DCC: variants seen among roughly 807,000 people sequenced by gnomAD.
DCC encodes netrin receptor DCC.
Under a neutral mutation model 172.5 loss-of-function variants are expected in DCC, and 58 were observed. The ratio of observed to expected loss-of-function variants is 0.34; its 90% CI spans 0.27 to 0.42. DCC has a LOEUF of 0.42. Ranked by LOEUF, DCC falls within the 10% of genes least tolerant of loss-of-function variation. DCC has a pLI of 1.00. For synonymous variants in DCC, 709 were observed against 644.5 expected, an observed-to-expected ratio of 1.10 and a Z score of -1.52; for missense variants, 1,740 against 1,791.0, an observed-to-expected ratio of 0.97 and a Z score of 0.51.
At chr18:53,148,285 G>A (rs1269530445) in intron 7 of DCC, among the ~76,000 whole-genome samples, 3 of 152,186 alleles carry the variant, frequency 2.0e-5, no homozygotes, top group Non-Finnish European at 4.4e-5. Context: ...GCACCATATG[G>A]CTGGGATGAG....
chr18:52,538,216 G>A (rs1219550374), intron 1 of DCC, among the ~76,000 whole-genome samples: 1 of 152,068 alleles, frequency 6.6e-6, no homozygotes, highest in East Asian at 1.9e-4. Flanking sequence ...ACAACTTGGG[G>A]CTCTGAAATT....
intron 24 of DCC, among the ~76,000 whole-genome samples, chr18:53,466,122 G>T (rs539579680): frequency 6.6e-6 from 1 of 152,088 alleles, no homozygotes; most frequent in South Asian, 2.1e-4. Flanking sequence ...TGTTTTTAGA[G>T]ATGGGGTCTC....
intron 12 of DCC, among the ~76,000 whole-genome samples, chr18:53,290,856 G>A (rs2056995009): frequency 1.3e-5 from 2 of 152,084 alleles, no homozygotes; most frequent in Admixed American, 1.3e-4. Flanking sequence ...AATTTTAAAA[G>A]TTCTGGTTTA....
intron 7 of DCC, among the ~76,000 whole-genome samples, chr18:53,095,131 C>G (rs2043067203): frequency 6.6e-6 from 1 of 152,204 alleles, no homozygotes; most frequent in Non-Finnish European, 1.5e-5. Flanking sequence ...TTTAGTACCT[C>G]TGATTAGAAT....
chr18:53,515,784 T>C (rs1000876106), intron 27 of DCC, among the ~76,000 whole-genome samples: 1 of 151,814 alleles, frequency 6.6e-6, no homozygotes, highest in African/African-American at 2.4e-5. Flanking sequence ...AAATCACTGC[T>C]CAAGGAAATA....
At chr18:52,924,271 A>G (rs959547965) in intron 4 of DCC, among the ~76,000 whole-genome samples, 4 of 152,272 alleles carry the variant, frequency 2.6e-5, no homozygotes, top group African/African-American at 9.6e-5. Flanking sequence ...ATCATTTCAC[A>G]ATGTATACAT....
intron 1 of DCC, among the ~76,000 whole-genome samples, chr18:52,550,182 G>GA (rs1032445900): frequency 1.3e-5 from 2 of 151,602 alleles, no homozygotes; most frequent in Non-Finnish European, 2.9e-5. Flanking sequence ...AAAAATAACA[G>GA]AAAAAAACCC....
intron 1 of DCC, among the ~76,000 whole-genome samples, chr18:52,692,076 A>G (rs1485310476): frequency 2.6e-5 from 4 of 152,132 alleles, no homozygotes; most frequent in Admixed American, 2.6e-4. Flanking sequence ...ACTGTTAGTG[A>G]TGTGAGCTTG....
At chr18:52,582,915 C>T (rs906387887) in intron 1 of DCC, among the ~76,000 whole-genome samples, 1 of 152,086 alleles carries the variant, frequency 6.6e-6, no homozygotes, top group Non-Finnish European at 1.5e-5. Context: ...CATGGTGGAA[C>T]ACATGAGCTA....
chr18:52,710,561 G>A (rs2036277494), intron 1 of DCC, among the ~76,000 whole-genome samples: 2 of 152,290 alleles, frequency 1.3e-5, no homozygotes, highest in Middle Eastern at 3.4e-3. Context: ...AAACATGAGG[G>A]GAAGACACCA....
At chr18:53,449,965 A>C (rs1008431873) in intron 22 of DCC, among the ~76,000 whole-genome samples, 5 of 152,042 alleles carry the variant, frequency 3.3e-5, no homozygotes, top group African/African-American at 1.2e-4. Context: ...AGATTTGCCT[A>C]TTCTGGATAT....
chr18:52,390,347 T>A (rs1985983467), intron 1 of DCC, among the ~76,000 whole-genome samples: 1 of 152,060 alleles, frequency 6.6e-6, no homozygotes, highest in Admixed American at 6.6e-5. Flanking sequence ...CTTCTGTCAA[T>A]CGTCTGGTGA....
chr18:53,526,851 C>CCCCAGGCCA, intron 28 of DCC, 92 bp downstream of exon 28: 2 of 992,162 alleles, frequency 2.0e-6, no homozygotes, highest in East Asian at 2.4e-5. Context: ...TGTCCATTCA[C>CCCCAGGCCA]CCCAGGCCAC....
intron 7 of DCC, among the ~76,000 whole-genome samples, chr18:53,090,911 T>C: frequency 6.6e-6 from 1 of 151,824 alleles, no homozygotes; most frequent in Non-Finnish European, 1.5e-5. Flanking sequence ...TTTTATACCC[T>C]TGTTCTATAG....
At chr18:52,574,634 T>C (rs1218532472) in intron 1 of DCC, among the ~76,000 whole-genome samples, 1 of 152,222 alleles carries the variant, frequency 6.6e-6, no homozygotes. Flanking sequence ...ATTGCAATCA[T>C]AGATTTAATG....
chr18:53,446,166 G>A (rs975641648), intron 22 of DCC, among the ~76,000 whole-genome samples: 4 of 148,702 alleles, frequency 2.7e-5, no homozygotes, highest in African/African-American at 9.8e-5. Context: ...CACCTCTGTA[G>A]TCCTAGCTAC....
intron 12 of DCC, among the ~76,000 whole-genome samples, chr18:53,234,290 G>A (rs1821075): frequency 0.3 from 46,184 of 151,592 alleles, 8,639 homozygotes; most frequent in East Asian, 0.59. Flanking sequence ...TTAGCCGGGC[G>A]TGGTGTTGGT....
At chr18:53,477,347 G>A (rs2045778209) in intron 25 of DCC, among the ~76,000 whole-genome samples, 2 of 152,082 alleles carry the variant, frequency 1.3e-5, no homozygotes, top group Admixed American at 1.3e-4. Context: ...ATAGCCCTTT[G>A]CATCTGAGAT....
intron 2 of DCC, among the ~76,000 whole-genome samples, chr18:52,756,613 C>G (rs192912001): frequency 6.6e-6 from 1 of 152,178 alleles, no homozygotes; most frequent in African/African-American, 2.4e-5. Flanking sequence ...TATTCAAGTG[C>G]CACTTAAAAA....
Sources: gnomAD v4.1 joint callset for allele counts (sites outside exome capture counted in the v4.1 genomes callset) on GRCh38, gnomAD v4.1.1 for gene constraint, MANE v1.5 for transcripts, NCBI Gene and HGNC (gene_info 2026-07-23, HGNC 2026-07-21) for gene names.